PCBP3: variants seen among roughly 807,000 people sequenced by gnomAD.
PCBP3 encodes poly(rC) binding protein 3.
PCBP3 carries 25 observed loss-of-function variants against 52.7 expected under a neutral mutation model. The observed-to-expected ratio is 0.47, with a 90% CI of 0.35 to 0.66. PCBP3 has a LOEUF of 0.66. Ranked by LOEUF, PCBP3 falls within the 30% of genes least tolerant of loss-of-function variation. The probability of loss-of-function intolerance (pLI) is 0.01; values close to 1 mark genes in which losing one functional copy is unlikely to be tolerated. For synonymous variants in PCBP3, 162 were observed against 183.0 expected, an observed-to-expected ratio of 0.89 and a Z score of 0.93; for missense variants, 391 against 490.3, an observed-to-expected ratio of 0.80 and a Z score of 1.91.
intron 2 of PCBP3, among the ~76,000 whole-genome samples, chr21:45,681,137 A>T (rs1015277440): frequency 1.3e-5 from 2 of 152,208 alleles, no homozygotes; most frequent in African/African-American, 2.4e-5. Context: ...TGATGAGTTA[A>T]TCACTTCCCA....
chr21:45,867,478 TA>T (rs2094789295), intron 5 of PCBP3, among the ~76,000 whole-genome samples: 1 of 152,236 alleles, frequency 6.6e-6, no homozygotes, highest in South Asian at 2.1e-4. Context: ...CTACCCCTGC[TA>T]CCCGCATTCA....
chr21:45,731,889 T>C (rs1270801168), intron 2 of PCBP3, among the ~76,000 whole-genome samples: 1 of 152,170 alleles, frequency 6.6e-6, no homozygotes, highest in African/African-American at 2.4e-5. Flanking sequence ...TCTTTTGCTT[T>C]ACATAGTCTA....
At chr21:45,804,841 G>A (rs1316755487) in intron 4 of PCBP3, among the ~76,000 whole-genome samples, 2 of 152,144 alleles carry the variant, frequency 1.3e-5, no homozygotes, top group Non-Finnish European at 2.9e-5. Flanking sequence ...TGGGAAGGAA[G>A]GATTGCCCCC....
intron 4 of PCBP3, among the ~76,000 whole-genome samples, chr21:45,765,406 T>C (rs986608048): frequency 2.0e-5 from 3 of 152,148 alleles, no homozygotes; most frequent in Admixed American, 6.5e-5. Context: ...GTGAAGTTGG[T>C]AGAAACAACA....
At chr21:45,875,570 CT>C (rs2095231759) in intron 5 of PCBP3, among the ~76,000 whole-genome samples, 1 of 152,228 alleles carries the variant, frequency 6.6e-6, no homozygotes, top group South Asian at 2.1e-4. Flanking sequence ...CTGCTTCCCC[CT>C]GGCTCAGCCT....
chr21:45,807,504 A>G (rs2092545335), intron 4 of PCBP3, among the ~76,000 whole-genome samples: 1 of 152,220 alleles, frequency 6.6e-6, no homozygotes, highest in Non-Finnish European at 1.5e-5. Flanking sequence ...TTCAAGGAGA[A>G]CTACAAACCA....
At chr21:45,910,268 G>T (rs2096359137) in intron 10 of PCBP3, among the ~76,000 whole-genome samples, 1 of 130,206 alleles carries the variant, frequency 7.7e-6, no homozygotes, top group African/African-American at 3.0e-5. Flanking sequence ...TATGGATCCT[G>T]CCCACCCACT....
intron 16 of PCBP3, among the ~76,000 whole-genome samples, chr21:45,938,658 C>A (rs2077133509): frequency 6.6e-6 from 1 of 152,082 alleles, no homozygotes; most frequent in African/African-American, 2.4e-5. Flanking sequence ...TGGGTGGGGT[C>A]TGAGAGGTGT....
chr21:45,746,630 G>T (rs1336016150), intron 3 of PCBP3, among the ~76,000 whole-genome samples: 2 of 46,652 alleles, frequency 4.3e-5, no homozygotes, highest in East Asian at 4.7e-4. Flanking sequence ...GCACACGGTG[G>T]TGTCAGCATC....
chr21:45,795,302 T>C (rs566914451), intron 4 of PCBP3, among the ~76,000 whole-genome samples: 1 of 147,316 alleles, frequency 6.8e-6, no homozygotes, highest in Admixed American at 6.9e-5. Context: ...AGGACACTTG[T>C]CTTCTTCTTT....
chr21:45,662,129 T>C (rs1034484095), intron 1 of PCBP3, among the ~76,000 whole-genome samples: 3 of 152,114 alleles, frequency 2.0e-5, no homozygotes, highest in Non-Finnish European at 2.9e-5. Flanking sequence ...TAGACACTTT[T>C]AAGTTATTAT....
chr21:45,891,082 A>G (rs2095649653), intron 5 of PCBP3, among the ~76,000 whole-genome samples: 1 of 152,144 alleles, frequency 6.6e-6, no homozygotes, highest in Non-Finnish European at 1.5e-5. Flanking sequence ...TGTAGATAAT[A>G]GAACCTGGAA....
In PCBP3 at chr21:45,830,531, A is replaced by G. The variant is rs1006358300; in HGVS notation, c.-125-19430A>G. ...GCCCTGCTGTGGGGGGTGTGTGCGC[A>G]TGCTCAGCACAGCCTAGGGCAGGGC... On this transcript the variant is annotated intron_variant, in intron 4 of 17. Coordinates refer to ENST00000681687, the MANE Select transcript of PCBP3 (RefSeq NM_001384156.1). This position sits in a 1 kb window ranked among gnomAD's most constrained non-coding sequence, Gnocchi z 4.4. 7.9e-5 allele frequency: 12 copies of G among 152,402 alleles called. No individual in the cohort carries two copies. The highest frequency in any genetic ancestry group is 2.9e-4 in the African/African-American group (12 of 41,422). The allele number at this position is 152,402 out of a possible 1,614,324, so 9.4% of individuals were successfully genotyped here.
chr21:45,867,674 G>A (rs1349094843), intron 5 of PCBP3, among the ~76,000 whole-genome samples: 1 of 152,264 alleles, frequency 6.6e-6, no homozygotes, highest in Non-Finnish European at 1.5e-5. Flanking sequence ...AGCTGCAGGA[G>A]CTCTGGGGGC....
At chr21:45,646,053 T>G (rs995395467) in intron 1 of PCBP3, among the ~76,000 whole-genome samples, 4 of 71,538 alleles carry the variant, frequency 5.6e-5, no homozygotes, top group East Asian at 6.8e-4. Context: ...TGTCACCTGT[T>G]TCTCTCTCTC....
At chr21:45,748,507 C>T (rs1401640377) in intron 3 of PCBP3, among the ~76,000 whole-genome samples, 2 of 152,240 alleles carry the variant, frequency 1.3e-5, no homozygotes, top group African/African-American at 4.8e-5. Context: ...TTCTGAGGTA[C>T]AGGCTGACAG....
intron 5 of PCBP3, among the ~76,000 whole-genome samples, chr21:45,862,807 A>G (rs2094560179): frequency 6.6e-6 from 1 of 152,056 alleles, no homozygotes; most frequent in Non-Finnish European, 1.5e-5. Flanking sequence ...TTCACATTTC[A>G]CTTCTGCCTG....
rs2080056695 is a variant in PCBP3 at position 45,656,884 on chromosome 21, C to T, written c.-278-11990C>T. Among the ~76,000 whole-genome samples the T allele has an allele frequency of 6.6e-6, 1 of 152,136 alleles. No individual in the cohort carries two copies. Among genetic ancestry groups the T allele is most frequent in the African/African-American group, 2.4e-5 (1 of 41,424 alleles). Reference sequence around the variant, plus strand: ...TCGCCTAGGCTAGAGTGCAGTGGCGCAACCTCGGCTCACTGCAAGCTCTGC... The same window carrying T: ...TCGCCTAGGCTAGAGTGCAGTGGCGTAACCTCGGCTCACTGCAAGCTCTGC... On this transcript the variant is annotated intron_variant, in intron 1 of 17. Transcript: ENST00000681687. The surrounding 1 kb of genome is among the most constrained non-coding windows in gnomAD (Gnocchi z 4.3).
Position 45,941,839 on chromosome 21 carries a change from G to A in PCBP3, c.*133G>A, listed in dbSNP as rs1184207162. On this transcript the variant is annotated 3_prime_UTR_variant, in exon 18 of 18. Transcript: ENST00000681687. ...AGGTTTTCTTAATTAACAAAAGGAC[G>A]TATGCCATGGAGAAACACACCCGCG... is the stretch of plus-strand genomic sequence containing the variant. The A allele has an allele frequency of 3.1e-6, 2 of 648,192 alleles. No individual in the cohort carries two copies. Among genetic ancestry groups the A allele is most frequent in the East Asian group, 3.1e-5 (1 of 31,796 alleles). The allele number at this position is 648,192 out of a possible 1,614,324, so 40.2% of individuals were successfully genotyped here.
Sources: gnomAD v4.1 joint callset for allele counts (sites outside exome capture counted in the v4.1 genomes callset) on GRCh38, gnomAD v4.1.1 for gene constraint, Gnocchi (gnomAD v3.1) non-coding constraint, MANE v1.5 for transcripts, NCBI Gene and HGNC (gene_info 2026-07-23, HGNC 2026-07-21) for gene names.